Variants in NTM observed in about 807,000 individuals in gnomAD.
NTM encodes the protein IgLON family member 2.
In NTM, 13 loss-of-function variants were observed where a neutral mutation model predicts 42.1. That is an observed-to-expected ratio of 0.31 (90% CI 0.20 to 0.49). The LOEUF (loss-of-function observed/expected upper bound fraction) is 0.49. Among genes scored for constraint, NTM ranks in the 20% least tolerant of loss-of-function variants. NTM has a pLI of 0.99. For missense variants in NTM, 373 were observed against 452.8 expected, an observed-to-expected ratio of 0.82 and a Z score of 1.60; for synonymous variants, 187 against 179.2, an observed-to-expected ratio of 1.04 and a Z score of -0.35.
At chr11:132,147,080 A>T (rs1281328866) in intron 3 of NTM, among the ~76,000 whole-genome samples, 1 of 151,756 alleles carries the variant, frequency 6.6e-6, no homozygotes, top group East Asian at 1.9e-4. Context: ...TCTCCCATAT[A>T]ATACTGGTGT....
intron 2 of NTM, among the ~76,000 whole-genome samples, chr11:132,059,852 C>A (rs1234109585): frequency 6.6e-6 from 1 of 152,048 alleles, no homozygotes; most frequent in Non-Finnish European, 1.5e-5. Context: ...CCACTGATTC[C>A]CAGCTCCATT....
chr11:131,428,470 G>A (rs758544397), intron 1 of NTM, among the ~76,000 whole-genome samples: 1 of 151,998 alleles, frequency 6.6e-6, no homozygotes, highest in Non-Finnish European at 1.5e-5. Flanking sequence ...CTTATCCTAT[G>A]AGACCTGCTT....
intron 2 of NTM, among the ~76,000 whole-genome samples, chr11:132,012,307 A>G (rs2072387156): frequency 6.6e-6 from 1 of 152,330 alleles, no homozygotes; most frequent in Middle Eastern, 3.4e-3. Flanking sequence ...TCAAGAACAT[A>G]AAGTTAATTA....
intron 4 of NTM, among the ~76,000 whole-genome samples, chr11:132,250,824 A>G (rs1241004812): frequency 1.3e-5 from 2 of 151,934 alleles, no homozygotes; most frequent in South Asian, 2.1e-4. Flanking sequence ...TTTACAGTCA[A>G]TGTTTCATGA....
chr11:132,025,839 A>G (rs1040532871), intron 2 of NTM, among the ~76,000 whole-genome samples: 2 of 152,354 alleles, frequency 1.3e-5, no homozygotes, highest in East Asian at 3.9e-4. Flanking sequence ...CTCAAAGGCC[A>G]TGGGAGCAAT....
At chr11:132,121,048 C>A (rs892866881) in intron 2 of NTM, among the ~76,000 whole-genome samples, 1 of 152,156 alleles carries the variant, frequency 6.6e-6, no homozygotes, top group Non-Finnish European at 1.5e-5. Flanking sequence ...TTGATATGCT[C>A]ATCTGGTTTA....
chr11:132,285,701 A>T (rs2094203459), intron 4 of NTM, among the ~76,000 whole-genome samples: 1 of 152,130 alleles, frequency 6.6e-6, no homozygotes, highest in Non-Finnish European at 1.5e-5. Flanking sequence ...CACACAAGAG[A>T]TCATTTATTC....
Position 131,768,020 on chromosome 11 carries a change from C to CT in NTM, c.83-143534dup, listed in dbSNP as rs1031366105. On this transcript the variant is annotated intron_variant, in intron 1 of 8. Coordinates refer to ENST00000683400, the MANE Select transcript of NTM (RefSeq NM_001352005.2). ...ATGGATCAGGCTATTTGAGGAATTC[C>CT]TTTTTTTTTTAAGTTTTTAATTTTT... 7.2e-3 allele frequency among the ~76,000 whole-genome samples: 1,065 copies of CT among 147,830 alleles called. 9 individuals carry two copies. The highest frequency in any genetic ancestry group is 0.022 in the African/African-American group (886 of 40,274).
chr11:132,187,932 A>T (rs990955533), intron 3 of NTM, among the ~76,000 whole-genome samples: 9 of 152,214 alleles, frequency 5.9e-5, no homozygotes, highest in Admixed American at 5.2e-4. Flanking sequence ...TCTGACTAAC[A>T]TGTCTACGTG....
intron 2 of NTM, among the ~76,000 whole-genome samples, chr11:132,076,618 C>T (rs969135634): frequency 6.6e-6 from 1 of 152,088 alleles, no homozygotes; most frequent in Admixed American, 6.5e-5. Flanking sequence ...TGGTAAAGAA[C>T]GACTTAAGAC....
chr11:131,849,285 C>A (rs1040871245), intron 1 of NTM, among the ~76,000 whole-genome samples: 2 of 152,104 alleles, frequency 1.3e-5, no homozygotes, highest in Non-Finnish European at 2.9e-5. Context: ...ATACCTGAGA[C>A]TGGGTAATTT....
At chr11:132,216,539 T>G (rs1371969729) in intron 4 of NTM, among the ~76,000 whole-genome samples, 2 of 152,192 alleles carry the variant, frequency 1.3e-5, no homozygotes, top group African/African-American at 2.4e-5. Context: ...CACGTTGTAC[T>G]GAGATATTGG....
At chr11:132,107,997 C>G (rs1034287340) in intron 2 of NTM, among the ~76,000 whole-genome samples, 4 of 152,216 alleles carry the variant, frequency 2.6e-5, no homozygotes, top group African/African-American at 9.6e-5. Context: ...CCCACACAAA[C>G]ATATAATGAT....
At chr11:132,179,057 A>G (rs1284873090) in intron 3 of NTM, among the ~76,000 whole-genome samples, 1 of 152,268 alleles carries the variant, frequency 6.6e-6, no homozygotes. Context: ...CAGGCACTCT[A>G]TACTGTCTGG....
intron 7 of NTM, among the ~76,000 whole-genome samples, chr11:132,315,313 G>A (rs937357632): frequency 1.3e-5 from 2 of 152,168 alleles, no homozygotes; most frequent in Non-Finnish European, 1.5e-5. Context: ...GAGCTCCCTT[G>A]TAAACCCTGA....
intron 1 of NTM, among the ~76,000 whole-genome samples, chr11:131,574,976 C>A (rs549113322): frequency 6.6e-6 from 1 of 152,276 alleles, no homozygotes; most frequent in South Asian, 2.1e-4. Flanking sequence ...TGAGCTCTCT[C>A]AGGCTTGGAA....
chr11:132,292,195 A>G (rs1483500671), intron 4 of NTM, among the ~76,000 whole-genome samples: 1 of 152,188 alleles, frequency 6.6e-6, no homozygotes, highest in Non-Finnish European at 1.5e-5. Flanking sequence ...TGATAGCGGG[A>G]AGGGAAGACA....
chr11:132,139,025 G>C (rs931851242), intron 2 of NTM, among the ~76,000 whole-genome samples: 1 of 152,180 alleles, frequency 6.6e-6, no homozygotes, highest in Non-Finnish European at 1.5e-5. Context: ...ATGGCAGATG[G>C]AGTCCAGCGT....
chr11:132,289,752 C>T (rs2094389509), intron 4 of NTM, among the ~76,000 whole-genome samples: 1 of 152,140 alleles, frequency 6.6e-6, no homozygotes, highest in Non-Finnish European at 1.5e-5. Flanking sequence ...TCTTTGTGGC[C>T]ACTGCTGCTA....
Sources: allele counts gnomAD v4.1 joint callset (sites outside exome capture counted in the v4.1 genomes callset), GRCh38; gene constraint gnomAD v4.1.1; transcripts MANE v1.5; gene names NCBI Gene and HGNC (gene_info 2026-07-23, HGNC 2026-07-21).